Variants in TNS3 observed in about 807,000 individuals in gnomAD.
The protein encoded by TNS3 is tensin-3.
Under a neutral mutation model 140.9 loss-of-function variants are expected in TNS3, and 45 were observed. The ratio of observed to expected loss-of-function variants is 0.32; its 90% confidence interval spans 0.25 to 0.41. The LOEUF is 0.41. Among genes scored for constraint, TNS3 ranks in the 10% least tolerant of loss-of-function variants. The probability of loss-of-function intolerance (pLI) is 1.00; values close to 1 mark genes in which losing one functional copy is unlikely to be tolerated. For missense variants in TNS3, 1,716 were observed against 1,906.7 expected (o/e 0.90, Z 1.86); for synonymous variants, 815 against 788.4 (o/e 1.03, Z -0.56).
At position 47,283,747 on chromosome 7, in the gene TNS3, C is replaced by G. The variant is rs746032079; in HGVS notation, c.4047G>C (p.Val1349=). The change falls in exon 28 of 31, where the codon GTG becomes GTC. Residue 1349 remains valine, a synonymous_variant. Transcript: ENST00000311160. The stretch of plus-strand genomic sequence containing the variant: ...TGCCCTGGGCTGACACCTTGAAGTG[C>G]ACAACTGTGGACACAGGTGGAGGCT... ...VQEPPPVSTV[V]HFKVSAQGIT... 6.2e-7 allele frequency: 1 copy of G among 1,608,858 alleles called. No individual in the cohort carries two copies. Among genetic ancestry groups the G allele is most frequent in the Non-Finnish European group, 8.5e-7 (1 of 1,177,742 alleles).
intron 4 of TNS3, among the ~76,000 whole-genome samples, chr7:47,461,694 G>A (rs919121239): frequency 6.6e-6 from 1 of 152,240 alleles, no homozygotes. Context: ...TCCCAACCCT[G>A]CAAATGCCAG....
intron 16 of TNS3, among the ~76,000 whole-genome samples, chr7:47,388,908 G>GA (rs1554310056): frequency 3.0e-5 from 4 of 135,554 alleles, no homozygotes; most frequent in Non-Finnish European, 4.8e-5. Flanking sequence ...AGAAGAAGAA[G>GA]GGGAGAGGGA....
chr7:47,330,807 C>A (rs1454445396), intron 20 of TNS3, among the ~76,000 whole-genome samples: 1 of 152,062 alleles, frequency 6.6e-6, no homozygotes, highest in Admixed American at 6.5e-5. Context: ...CTCGCAGCCT[C>A]CATAGGGGGC....
intron 4 of TNS3, among the ~76,000 whole-genome samples, chr7:47,472,183 C>T (rs1796982293): frequency 6.6e-6 from 1 of 152,214 alleles, no homozygotes; most frequent in African/African-American, 2.4e-5. Flanking sequence ...TCATGGAAAT[C>T]AGGCCCAATC....
chr7:47,391,544 C>A (rs1338352969), intron 16 of TNS3, among the ~76,000 whole-genome samples: 1 of 152,226 alleles, frequency 6.6e-6, no homozygotes, highest in Non-Finnish European at 1.5e-5. Flanking sequence ...AAGTAGAAAG[C>A]ACCCCAATGG....
At chr7:47,371,307 G>A (rs371388758) in intron 16 of TNS3, among the ~76,000 whole-genome samples, 3 of 152,224 alleles carry the variant, frequency 2.0e-5, no homozygotes, top group Non-Finnish European at 2.9e-5. Flanking sequence ...CAGGAGCATC[G>A]TGCATTTTCT....
At chr7:47,563,349 C>T (rs1016682040) in intron 1 of TNS3, among the ~76,000 whole-genome samples, 4 of 152,224 alleles carry the variant, frequency 2.6e-5, no homozygotes, top group African/African-American at 9.6e-5. Flanking sequence ...ACGAACGTCT[C>T]CTGGGTGCTC....
Position 47,369,329 on chromosome 7 carries a change from G to A in TNS3, c.1317C>T (p.Ser439=), listed in dbSNP as rs1186903880. 3 of 1,614,176 alleles carry A rather than the reference G, an allele frequency of 1.9e-6. No homozygotes were observed. The highest frequency in any genetic ancestry group is 2.5e-6 in the Non-Finnish European group (3 of 1,180,042). ...GAGCATCAGTCATTTCCTTGAGGGA[G>A]CTTCCAGGATCTTCCAGGCCAAAGC... The part of the protein sequence containing the change: ...LSGFGLEDPG[S]SLKEMTDARS... Residue 439 remains serine (S), a synonymous_variant, in exon 17 of 31, where the codon AGC becomes AGT. Transcript: ENST00000311160.
chr7:47,492,378 C>T (rs956658963), intron 3 of TNS3, among the ~76,000 whole-genome samples: 1 of 152,234 alleles, frequency 6.6e-6, no homozygotes, highest in African/African-American at 2.4e-5. Flanking sequence ...GACTCCAGGG[C>T]CTGGCACTGT....
chr7:47,482,947 G>A (rs1797475680), intron 3 of TNS3, among the ~76,000 whole-genome samples: 1 of 152,168 alleles, frequency 6.6e-6, no homozygotes, highest in African/African-American at 2.4e-5. Flanking sequence ...AGAGCACAGA[G>A]ACTCTTTAGG....
At chr7:47,342,940 G>GTT (rs1159202254) in intron 20 of TNS3, among the ~76,000 whole-genome samples, 1 of 152,190 alleles carries the variant, frequency 6.6e-6, no homozygotes, top group Non-Finnish European at 1.5e-5. Flanking sequence ...TCAGCACTGT[G>GTT]TTATCTCTGT....
chr7:47,297,159 T>C lies in TNS3; in HGVS notation c.3599A>G (p.His1200Arg). ...EPGSFIVRDS[H>R]SFRGAYGLAM... ...CAGGCCATAGGCCCCTCGGAAGGAA[T>C]GGCTGTCTCGAACAATGAATGAGCC... The change falls in exon 24 of 31, where the codon CAT becomes CGT. Residue 1200 changes from histidine (H) to arginine (R), a missense_variant. This residue lies in a region of TNS3 where 1,163 missense variants were observed against 1,182.1 expected (regional missense o/e 0.98). Coordinates refer to ENST00000311160, the MANE Select transcript of TNS3 (RefSeq NM_022748.12). The C allele has an allele frequency of 6.2e-7, 1 of 1,613,858 alleles. No individual in the cohort carries two copies. Among genetic ancestry groups the C allele is most frequent in the African/African-American group, 1.3e-5 (1 of 74,984 alleles).
intron 4 of TNS3, among the ~76,000 whole-genome samples, chr7:47,454,984 A>C (rs1018639623): frequency 1.3e-5 from 2 of 152,116 alleles, no homozygotes; most frequent in African/African-American, 4.8e-5. Flanking sequence ...GTCCTGTTAG[A>C]TGTCCCACCC....
intron 4 of TNS3, among the ~76,000 whole-genome samples, chr7:47,462,235 C>T (rs1307691392): frequency 6.6e-6 from 1 of 152,224 alleles, no homozygotes; most frequent in African/African-American, 2.4e-5. Context: ...TGACCCTCCT[C>T]GTTGCCCCTG....
intron 20 of TNS3, among the ~76,000 whole-genome samples, chr7:47,309,418 A>C (rs1290019740): frequency 6.6e-6 from 1 of 151,720 alleles, no homozygotes; most frequent in African/African-American, 2.4e-5. Flanking sequence ...ATATGCTATG[A>C]GAGTATGTTT....
intron 17 of TNS3, among the ~76,000 whole-genome samples, chr7:47,366,725 C>CCATGTGAACCTGGGCAGGCCA (rs140832633): frequency 0.5 from 75,706 of 151,046 alleles, 21,131 homozygotes; most frequent in Non-Finnish European, 0.64. Context: ...TATGCAGGTC[C>CCATGTGAACCTGGGCAGGCCA]CATGTGAACC....
At chr7:47,303,685 G>A in intron 21 of TNS3, 101 bp from the exon 22 acceptor site, 2 of 1,380,772 alleles carry the variant, frequency 1.4e-6, no homozygotes, top group Non-Finnish European at 1.9e-6. Context: ...ATGGGGAAGT[G>A]GGTGCTGAGG....
chr7:47,417,734 TTAA>T (rs1794158691), intron 10 of TNS3, among the ~76,000 whole-genome samples: 1 of 151,920 alleles, frequency 6.6e-6, no homozygotes, highest in African/African-American at 2.4e-5. Context: ...ACATGCTTTC[TTAA>T]TAAGGTAAGA....
At chr7:47,389,265 T>A (rs568032912) in intron 16 of TNS3, among the ~76,000 whole-genome samples, 14 of 152,224 alleles carry the variant, frequency 9.2e-5, no homozygotes, top group African/African-American at 3.4e-4. Flanking sequence ...TGTAGACCCG[T>A]CTGCATGCAC....
Sources: gnomAD v4.1 joint callset for allele counts (sites outside exome capture counted in the v4.1 genomes callset) on GRCh38, gnomAD v4.1.1 for gene constraint, gnomAD v4.1.1 regional missense constraint, MANE v1.5 for transcripts, NCBI Gene and HGNC (gene_info 2026-07-23, HGNC 2026-07-21) for gene names.